The following TBC1D14 variants were observed in gnomAD, a reference collection of about 807,000 sequenced individuals.
TBC1D14 encodes TBC1 domain family, member 14.
A neutral mutation model predicts 79.0 loss-of-function variants in TBC1D14; 26 were observed. The ratio of observed to expected loss-of-function variants is 0.33; its 90% CI spans 0.24 to 0.46. The LOEUF is 0.46. Among genes scored for constraint, TBC1D14 ranks in the 20% least tolerant of loss-of-function variants. The probability of loss-of-function intolerance (pLI) is 1.00; values close to 1 mark genes in which losing one functional copy is unlikely to be tolerated. For missense variants in TBC1D14, 769 were observed against 887.6 expected, an observed-to-expected ratio of 0.87 and a Z score of 1.70; for synonymous variants, 394 against 349.9, an observed-to-expected ratio of 1.13 and a Z score of -1.40.
At chr4:6,981,022 C>CTT (rs761834899) in intron 3 of TBC1D14, among the ~76,000 whole-genome samples, 102 of 128,100 alleles carry the variant, frequency 8.0e-4, no homozygotes, top group East Asian at 4.8e-3. Flanking sequence ...GCCTCTGTCT[C>CTT]TTTTTTTTTT....
intron 3 of TBC1D14, among the ~76,000 whole-genome samples, chr4:6,987,811 G>A (rs956631014): frequency 1.3e-5 from 2 of 152,214 alleles, no homozygotes; most frequent in African/African-American, 2.4e-5. Context: ...ACAGCAACCG[G>A]GCGTGTTAAA....
chr4:6,913,017 G>C (rs1723128490), intron 1 of TBC1D14, among the ~76,000 whole-genome samples: 1 of 152,136 alleles, frequency 6.6e-6, no homozygotes, highest in Admixed American at 6.5e-5. Flanking sequence ...TTTTGAGACA[G>C]CGTTTCGCTC....
chr4:6,951,851 TTTG>T (rs777350420), intron 2 of TBC1D14, among the ~76,000 whole-genome samples: 5 of 152,168 alleles, frequency 3.3e-5, no homozygotes, highest in Non-Finnish European at 5.9e-5. Flanking sequence ...TTGACTTAAT[TTTG>T]TTGTTGTTGT....
At chr4:6,956,492 C>T (rs941116716) in intron 2 of TBC1D14, among the ~76,000 whole-genome samples, 1 of 152,252 alleles carries the variant, frequency 6.6e-6, no homozygotes, top group Non-Finnish European at 1.5e-5. Flanking sequence ...GCGCACGCGC[C>T]TACACAGACC....
intron 12 of TBC1D14, among the ~76,000 whole-genome samples, chr4:7,015,270 A>AG (rs1397200618): frequency 6.6e-6 from 1 of 152,066 alleles, no homozygotes; most frequent in Non-Finnish European, 1.5e-5. Flanking sequence ...GGGAACAGAG[A>AG]GACCAATTAA....
At chr4:6,912,346 C>T (rs2108892593) in intron 1 of TBC1D14, among the ~76,000 whole-genome samples, 1 of 152,144 alleles carries the variant, frequency 6.6e-6, no homozygotes, top group South Asian at 2.1e-4. Context: ...CACCACTGCA[C>T]TCCATCCTGG....
chr4:6,939,546 G>C (rs979866298), intron 2 of TBC1D14, among the ~76,000 whole-genome samples: 3 of 152,150 alleles, frequency 2.0e-5, no homozygotes, highest in Non-Finnish European at 4.4e-5. Context: ...GAGATTATCT[G>C]CCCGAGGACC....
intron 2 of TBC1D14, among the ~76,000 whole-genome samples, chr4:6,961,068 G>A (rs1198492667): frequency 6.6e-6 from 1 of 152,146 alleles, no homozygotes; most frequent in Non-Finnish European, 1.5e-5. Context: ...ACAGAAAAAT[G>A]GACACGCCAT....
At position 7,025,103 on chromosome 4, in the gene TBC1D14, C is replaced by T; in HGVS notation, c.1857C>T (p.Ala619=). ...GGGAAGAGTTCCTGTTCCGCACGGC[C>T]CTGGGCATCCTGAAGCTGTTCGAGG... is the stretch of plus-strand genomic sequence containing the variant. ...RDGEEFLFRT[A]LGILKLFEDI... is the part of the protein sequence containing the mutation. The change falls in exon 13 of 14, where the codon GCC becomes GCT. Residue 619 remains alanine, a synonymous_variant. Coordinates refer to ENST00000409757, the MANE Select transcript of TBC1D14 (RefSeq NM_020773.3). The T allele has an allele frequency of 1.9e-6, 3 of 1,614,080 alleles. No individual in the cohort carries two copies. Among genetic ancestry groups the T allele is most frequent in the African/African-American group, 2.7e-5 (2 of 74,934 alleles).
intron 2 of TBC1D14, among the ~76,000 whole-genome samples, chr4:6,931,157 C>A (rs35296019): frequency 0.56 from 85,503 of 151,914 alleles, 24,296 homozygotes; most frequent in East Asian, 0.67. Context: ...CCTCAGCCTC[C>A]CAAAGTGCTG....
intron 3 of TBC1D14, among the ~76,000 whole-genome samples, chr4:6,978,208 C>G (rs1171193716): frequency 3.3e-5 from 5 of 151,510 alleles, no homozygotes; most frequent in South Asian, 2.1e-4. Flanking sequence ...TGAGGAGCCC[C>G]TCTGCCCGGC....
chr4:6,923,796 A>T lies in TBC1D14; in HGVS notation c.407A>T (p.Asp136Val). The change falls in exon 2 of 14, where the codon GAC (aspartate) becomes GTC (valine). Residue 136 changes from aspartate (D) to valine (V), a missense_variant. Transcript: ENST00000409757. ...KSSTFPRTGYDSVKLYSPTSK... is the reference protein window; with the variant it reads ...KSSTFPRTGYVSVKLYSPTSK... ...TCCACGTTTCCCAGGACAGGCTATGACTCGGTAAAGCTCTATAGCCCGACC... is the reference window on the plus strand; with the variant it reads ...TCCACGTTTCCCAGGACAGGCTATGTCTCGGTAAAGCTCTATAGCCCGACC... 6.2e-7 allele frequency: 1 copy of T among 1,614,050 alleles called. No homozygotes were observed. Among genetic ancestry groups the T allele is most frequent in the Middle Eastern group, 1.6e-4 (1 of 6,062 alleles).
chr4:6,929,255 C>T (rs1016102813), intron 2 of TBC1D14, among the ~76,000 whole-genome samples: 3 of 152,012 alleles, frequency 2.0e-5, no homozygotes, highest in African/African-American at 4.8e-5. Context: ...CTGAGGGGTA[C>T]GTACTTTACA....
intron 12 of TBC1D14, among the ~76,000 whole-genome samples, chr4:7,023,420 A>G (rs1722024939): frequency 6.6e-6 from 1 of 152,106 alleles, no homozygotes; most frequent in Non-Finnish European, 1.5e-5. Context: ...CCTTTCTCAT[A>G]GTGTTAACAA....
chr4:7,003,249 C>T (rs1028259599), intron 7 of TBC1D14, among the ~76,000 whole-genome samples: 1 of 152,144 alleles, frequency 6.6e-6, no homozygotes, highest in Admixed American at 6.5e-5. Flanking sequence ...ACACTTTGAC[C>T]CATTAAACCC....
chr4:7,032,999 T>C lies in TBC1D14; in HGVS notation c.*2607T>C. ...CTGATAACACTTGCTACATATCATG[T>C]TTTAATTGCTTGTACAGTTAACCTT... is the stretch of plus-strand genomic sequence containing the variant. On this transcript the variant is annotated 3_prime_UTR_variant, in exon 14 of 14. Coordinates refer to ENST00000409757, the MANE Select transcript of TBC1D14 (RefSeq NM_020773.3). 1 of 152,672 alleles carries C rather than the reference T, an allele frequency of 6.5e-6. No individual in the cohort carries two copies. Among genetic ancestry groups the C allele is most frequent in the East Asian group, 1.9e-4 (1 of 5,202 alleles). The allele number at this position is 152,672 out of a possible 1,614,324, so 9.5% of individuals were successfully genotyped here. A position where few individuals can be genotyped will look rare whatever the true frequency, so the allele number is the denominator to read the frequency against.
intron 3 of TBC1D14, among the ~76,000 whole-genome samples, chr4:6,973,153 A>T (rs541063469): frequency 2.8e-4 from 42 of 152,314 alleles, no homozygotes; most frequent in African/African-American, 8.4e-4. Flanking sequence ...CTGTTGTGTT[A>T]GCATTTGTAT....
chr4:7,008,195 A>G (rs1215195618), intron 9 of TBC1D14, among the ~76,000 whole-genome samples: 1 of 152,210 alleles, frequency 6.6e-6, no homozygotes, highest in Non-Finnish European at 1.5e-5. Flanking sequence ...GCCATATCCT[A>G]CCAGGTGGTG....
intron 3 of TBC1D14, among the ~76,000 whole-genome samples, chr4:6,978,107 G>C (rs1165009374): frequency 3.3e-5 from 5 of 150,150 alleles, no homozygotes; most frequent in Non-Finnish European, 5.9e-5. Context: ...GCCCCATCCG[G>C]GAGGGAGGTG....
Sources: allele counts gnomAD v4.1 joint callset (sites outside exome capture counted in the v4.1 genomes callset), GRCh38; gene constraint gnomAD v4.1.1; transcripts MANE v1.5; gene names NCBI Gene and HGNC (gene_info 2026-07-23, HGNC 2026-07-21).